SKAP1: variants seen among roughly 807,000 people sequenced by gnomAD.
The protein encoded by SKAP1 is src kinase associated phosphoprotein 1, also known as src kinase-associated phosphoprotein 1.
A neutral mutation model predicts 58.5 loss-of-function variants in SKAP1; 44 were observed. That is an observed-to-expected ratio of 0.75 (90% confidence interval 0.59 to 0.97). SKAP1 has a LOEUF of 0.97. Ranked by LOEUF, SKAP1 falls within the 50% of genes least tolerant of loss-of-function variation. The pLI, the probability that SKAP1 is intolerant of heterozygous loss-of-function variation, is 0.00. For missense variants in SKAP1, 390 were observed against 435.2 expected (o/e 0.90, Z 0.92); for synonymous variants, 127 against 149.7 (o/e 0.85, Z 1.11).
chr17:48,391,474 T>C (rs2067344398), intron 2 of SKAP1, among the ~76,000 whole-genome samples: 1 of 152,168 alleles, frequency 6.6e-6, no homozygotes, highest in Admixed American at 6.5e-5. Context: ...AAAACAGCAA[T>C]AAATACAACC....
chr17:48,242,765 C>T (rs746184123), intron 4 of SKAP1, among the ~76,000 whole-genome samples: 18 of 152,256 alleles, frequency 1.2e-4, no homozygotes, highest in Non-Finnish European at 2.5e-4. Context: ...ACCTGTAGTG[C>T]AAAAGAAGGT....
Position 48,196,484 on chromosome 17 carries a change from G to A in SKAP1, c.281-6984C>T, listed in dbSNP as rs371682718. Among the ~76,000 whole-genome samples, 15 of 152,252 alleles carry A rather than the reference G, an allele frequency of 9.9e-5. 1 individual carries two copies. The East Asian group carries it at 2.3e-3, about 23-fold the overall frequency. On this transcript the variant is annotated intron_variant, in intron 4 of 12. Coordinates refer to ENST00000336915, the MANE Select transcript of SKAP1 (RefSeq NM_003726.4). Reference sequence around the variant, plus strand: ...ATATTGTGTGATGCTGAGGTTTGGAGTATGAATAATCTGTCATCCAGGTAG... The same window carrying A: ...ATATTGTGTGATGCTGAGGTTTGGAATATGAATAATCTGTCATCCAGGTAG...
At position 48,184,830 on chromosome 17, in the gene SKAP1, T is replaced by C. The variant is rs1454098344; in HGVS notation, c.460A>G (p.Thr154Ala). 6.2e-7 allele frequency: 1 copy of C among 1,613,508 alleles called. No individual in the cohort carries two copies. Among genetic ancestry groups the C allele is most frequent in the African/African-American group, 1.3e-5 (1 of 74,866 alleles). Residue 154 changes from threonine (T) to alanine (A), a missense_variant, in exon 7 of 13, where the codon ACC becomes GCC. Physicochemically the swap from Thr to Ala is moderately conservative, Grantham distance 58. Transcript: ENST00000336915. ...ACACCGTAGCCCTTAATGAGGAAGGTCCCTTTGGGCTGCTTGCCTGCAAGA... is the reference window on the plus strand; with the variant it reads ...ACACCGTAGCCCTTAATGAGGAAGGCCCCTTTGGGCTGCTTGCCTGCAAGA... Reference protein sequence around the residue: ...ANEKSKQPKGTFLIKGYGVRM... With the variant: ...ANEKSKQPKGAFLIKGYGVRM...
intron 11 of SKAP1, among the ~76,000 whole-genome samples, chr17:48,160,627 A>AG (rs1422700395): frequency 5.9e-5 from 9 of 152,206 alleles, no homozygotes; most frequent in African/African-American, 2.2e-4. Flanking sequence ...CCCCAGTGAG[A>AG]AGCCATTAAC....
intron 1 of SKAP1, among the ~76,000 whole-genome samples, chr17:48,402,812 G>A (rs546143632): frequency 6.6e-6 from 1 of 152,212 alleles, no homozygotes; most frequent in Non-Finnish European, 1.5e-5. Context: ...AAAGGAGCCA[G>A]TCACAAAGGA....
intron 4 of SKAP1, among the ~76,000 whole-genome samples, chr17:48,268,078 A>G (rs1054893756): frequency 1.3e-5 from 2 of 152,172 alleles, no homozygotes; most frequent in African/African-American, 2.4e-5. Context: ...AAATCCTCGA[A>G]AGACAGACAT....
At chr17:48,408,347 T>C (rs1159230749) in intron 1 of SKAP1, among the ~76,000 whole-genome samples, 1 of 152,192 alleles carries the variant, frequency 6.6e-6, no homozygotes, top group African/African-American at 2.4e-5. Flanking sequence ...TGTTTTTTAT[T>C]TATTAAGTTC....
intron 4 of SKAP1, among the ~76,000 whole-genome samples, chr17:48,283,824 G>A (rs1027785632): frequency 1.3e-5 from 2 of 152,142 alleles, no homozygotes; most frequent in African/African-American, 2.4e-5. Context: ...TAGTTCCCCA[G>A]GGCAGAAGTG....
At chr17:48,165,017 T>C (rs369392634) in intron 10 of SKAP1, among the ~76,000 whole-genome samples, 8 of 152,240 alleles carry the variant, frequency 5.3e-5, no homozygotes, top group East Asian at 1.9e-4. Context: ...GAATCCCACA[T>C]TGGCCACACA....
intron 4 of SKAP1, among the ~76,000 whole-genome samples, chr17:48,244,104 C>T (rs2143836560): frequency 6.6e-6 from 1 of 152,278 alleles, no homozygotes; most frequent in African/African-American, 2.4e-5. Flanking sequence ...AAATGGTTAG[C>T]CTTAATGCCT....
At chr17:48,294,678 A>G (rs2065941420) in intron 4 of SKAP1, among the ~76,000 whole-genome samples, 1 of 152,212 alleles carries the variant, frequency 6.6e-6, no homozygotes, top group Non-Finnish European at 1.5e-5. Context: ...ATACACATAA[A>G]TAGATGCCCT....
At chr17:48,137,198 T>C in intron 12 of SKAP1, 31 bp downstream of exon 12, 1 of 1,391,318 alleles carries the variant, frequency 7.2e-7, no homozygotes, top group South Asian at 1.2e-5. Flanking sequence ...CACTCAACTA[T>C]TAGGCAGTTC....
chr17:48,149,325 C>T (rs2063870576), intron 11 of SKAP1, among the ~76,000 whole-genome samples: 1 of 152,138 alleles, frequency 6.6e-6, no homozygotes, highest in Non-Finnish European at 1.5e-5. Flanking sequence ...CAATTTGGGT[C>T]TAGCTGGGGT....
intron 11 of SKAP1, among the ~76,000 whole-genome samples, chr17:48,141,948 C>G (rs1015447785): frequency 2.0e-5 from 3 of 152,192 alleles, no homozygotes; most frequent in African/African-American, 7.2e-5. Context: ...CTCCTTGACA[C>G]TCTCTGACTG....
chr17:48,187,644 A>C lies in SKAP1; in HGVS notation c.442+199T>G, dbSNP rs1266455724. Among the ~76,000 whole-genome samples, 3 of 152,346 alleles carry C rather than the reference A, an allele frequency of 2.0e-5. No individual in the cohort carries two copies. The East Asian group carries it at 5.8e-4, about 29-fold the overall frequency. On this transcript the variant is annotated intron_variant, in intron 6 of 12. Transcript: ENST00000336915. ...TGCTGACCACACTCTTAGTGTTTAA[A>C]GGTGAAATAATTTCTAAATTGGGTT...
intron 2 of SKAP1, among the ~76,000 whole-genome samples, chr17:48,376,857 T>C (rs977456994): frequency 6.6e-6 from 1 of 152,144 alleles, no homozygotes; most frequent in East Asian, 1.9e-4. Flanking sequence ...CATGTCTGAC[T>C]AATGCCAGAA....
chr17:48,368,643 T>C (rs1054668804), intron 2 of SKAP1, among the ~76,000 whole-genome samples: 1 of 152,168 alleles, frequency 6.6e-6, no homozygotes, highest in Non-Finnish European at 1.5e-5. Flanking sequence ...ATCAGGACGA[T>C]GCAAATGATA....
chr17:48,195,405 C>T (rs953577798), intron 4 of SKAP1, among the ~76,000 whole-genome samples: 8 of 152,150 alleles, frequency 5.3e-5, no homozygotes, highest in African/African-American at 1.9e-4. Flanking sequence ...ATTTGATATC[C>T]ACCTGAGTTT....
intron 2 of SKAP1, among the ~76,000 whole-genome samples, chr17:48,377,954 C>G (rs1035882139): frequency 6.6e-6 from 1 of 152,170 alleles, no homozygotes; most frequent in African/African-American, 2.4e-5. Context: ...CTTCTCCTAC[C>G]CCTGTGTTCC....
Sources: gnomAD v4.1 joint callset for allele counts (sites outside exome capture counted in the v4.1 genomes callset) on GRCh38, gnomAD v4.1.1 for gene constraint, MANE v1.5 for transcripts, NCBI Gene and HGNC (gene_info 2026-07-23, HGNC 2026-07-21) for gene names.